Variants in FARS2 observed in about 807,000 individuals in gnomAD.
FARS2 encodes phenylalanyl-tRNA synthetase 2, mitochondrial, also known as phenylalanine--tRNA ligase, mitochondrial.
Under a neutral mutation model 46.4 loss-of-function variants are expected in FARS2, and 40 were observed. That is an observed-to-expected ratio of 0.86 (90% CI 0.67 to 1.12). The LOEUF is 1.12. FARS2 is among the 50% of genes most tolerant of loss of function. The pLI, the probability that FARS2 is intolerant of heterozygous loss-of-function variation, is 0.00. For missense variants in FARS2, 513 were observed against 567.9 expected, an observed-to-expected ratio of 0.90 and a Z score of 0.98; for synonymous variants, 234 against 214.9, an observed-to-expected ratio of 1.09 and a Z score of -0.78.
chr6:5,328,034 C>T (rs996064977), intron 1 of FARS2, among the ~76,000 whole-genome samples: 3 of 152,064 alleles, frequency 2.0e-5, no homozygotes, highest in Non-Finnish European at 4.4e-5. Context: ...GTAGGAAGAC[C>T]GGTTGTCAAA....
rs574635846 is a variant in FARS2 at position 5,295,434 on chromosome 6, C to T, written c.-22+33774C>T. ...TTTGAGTCAAAAGGGCTAAAATTGG[C>T]TTTGAAGCTGGTAATCTGATGCTAG... On this transcript the variant is annotated intron_variant, in intron 1 of 6. Transcript: ENST00000274680. Among the ~76,000 whole-genome samples the T allele has an allele frequency of 1.6e-4, 24 of 151,966 alleles. 1 individual carries two copies. The South Asian group carries it at 4.8e-3, about 30-fold the overall frequency.
intron 2 of FARS2, among the ~76,000 whole-genome samples, chr6:5,388,819 C>T (rs961195424): frequency 9.2e-5 from 14 of 151,940 alleles, no homozygotes; most frequent in Non-Finnish European, 1.5e-4. Context: ...TTTCTGTTGT[C>T]GGTGGGCAGT....
At chr6:5,728,263 CTG>C (rs1413274580) in intron 6 of FARS2, among the ~76,000 whole-genome samples, 2 of 152,122 alleles carry the variant, frequency 1.3e-5, no homozygotes, top group Non-Finnish European at 2.9e-5. Flanking sequence ...AGCCTAATAG[CTG>C]GGAATGGGCT....
At chr6:5,572,628 A>G (rs1772722587) in intron 5 of FARS2, among the ~76,000 whole-genome samples, 1 of 152,130 alleles carries the variant, frequency 6.6e-6, no homozygotes, top group African/African-American at 2.4e-5. Flanking sequence ...GCCCGTAACA[A>G]GTAGCCTCAT....
chr6:5,701,105 T>C (rs1758405865), intron 6 of FARS2, among the ~76,000 whole-genome samples: 1 of 152,238 alleles, frequency 6.6e-6, no homozygotes, highest in Non-Finnish European at 1.5e-5. Context: ...CTATGGGATT[T>C]GGTGGGCTGC....
intron 4 of FARS2, among the ~76,000 whole-genome samples, chr6:5,537,176 C>A (rs1355058840): frequency 6.6e-6 from 1 of 152,172 alleles, no homozygotes. Flanking sequence ...CCATTCTCAG[C>A]TCTTTCTCCA....
intron 1 of FARS2, among the ~76,000 whole-genome samples, chr6:5,290,414 A>T (rs777607480): frequency 3.3e-5 from 5 of 152,236 alleles, no homozygotes; most frequent in African/African-American, 4.8e-5. Flanking sequence ...GGCAGAAAAG[A>T]TCACAGCAAT....
rs1759273236 is a variant in FARS2, at chr6:5,712,936, C to T, written c.1218-58355C>T. ...TATCTAAAATGGAGTGTACAAAAAG[C>T]GTACCTGTAGAACTTTCACTGTCAC... On this transcript the variant is annotated intron_variant, in intron 6 of 6. Coordinates refer to ENST00000274680, the MANE Select transcript of FARS2 (RefSeq NM_006567.5). 2.0e-5 allele frequency among the ~76,000 whole-genome samples: 3 copies of T among 152,360 alleles called. No individual in the cohort carries two copies. In the South Asian group the frequency reaches 6.2e-4, roughly 32 times the overall value.
intron 6 of FARS2, among the ~76,000 whole-genome samples, chr6:5,632,633 CCCTT>C (rs1178235139): frequency 0.019 from 1,878 of 97,280 alleles, 62 homozygotes; most frequent in African/African-American, 0.073. Context: ...CTCCCTCCCT[CCCTT>C]CTTCCTTCCT....
intron 3 of FARS2, among the ~76,000 whole-genome samples, chr6:5,415,812 T>C (rs1340319879): frequency 1.3e-5 from 2 of 152,046 alleles, no homozygotes; most frequent in Non-Finnish European, 2.9e-5. Context: ...GGTCAAGCGA[T>C]GCGCCCACTT....
At chr6:5,405,883 A>T (rs188049950) in intron 3 of FARS2, among the ~76,000 whole-genome samples, 9 of 152,294 alleles carry the variant, frequency 5.9e-5, no homozygotes, top group Admixed American at 1.3e-4. Flanking sequence ...GAGTATATTA[A>T]CAGTATATTA....
chr6:5,496,650 C>T (rs1321964014), intron 4 of FARS2, among the ~76,000 whole-genome samples: 2 of 152,102 alleles, frequency 1.3e-5, no homozygotes, highest in African/African-American at 4.8e-5. Flanking sequence ...TGGTCTTTCC[C>T]TCTGTGTGTA....
intron 5 of FARS2, among the ~76,000 whole-genome samples, chr6:5,553,784 G>C (rs1381403552): frequency 3.3e-5 from 5 of 152,166 alleles, no homozygotes; most frequent in Admixed American, 1.3e-4. Flanking sequence ...GTGGGTCTGG[G>C]GGGGTGCCTG....
chr6:5,394,466 GTGTT>G (rs1230161921), intron 2 of FARS2, among the ~76,000 whole-genome samples: 1 of 152,106 alleles, frequency 6.6e-6, no homozygotes, highest in African/African-American at 2.4e-5. Flanking sequence ...ACACTCCATG[GTGTT>G]CGCACAATGA....
In FARS2 at chr6:5,368,736, A is replaced by C; in HGVS notation, c.166A>C (p.Lys56Gln). 1 of 1,614,136 alleles carries C rather than the reference A, an allele frequency of 6.2e-7. No homozygotes were observed. The highest frequency in any genetic ancestry group is 8.5e-7 in the Non-Finnish European group (1 of 1,180,006). ...APGSVVELLG[K>Q]SYPQDDHSNL... ...AGGCAGTGTGGTGGAGCTGCTGGGC[A>C]AATCCTACCCTCAGGACGACCACAG... Residue 56 changes from lysine (K) to glutamine (Q), a missense_variant, in exon 2 of 7, where the codon AAA (lysine) becomes CAA (glutamine). Lys to Gln is a moderately conservative substitution (Grantham distance 53, BLOSUM62 1). Transcript: ENST00000274680.
intron 6 of FARS2, among the ~76,000 whole-genome samples, chr6:5,739,518 G>A (rs1477762827): frequency 3.9e-5 from 6 of 152,160 alleles, no homozygotes; most frequent in African/African-American, 1.4e-4. Context: ...AAATGGCTTA[G>A]GAGAAGGAAT....
chr6:5,662,808 C>T (rs751902211), intron 6 of FARS2, among the ~76,000 whole-genome samples: 30 of 152,074 alleles, frequency 2.0e-4, no homozygotes, highest in Non-Finnish European at 3.7e-4. Context: ...ACTTGCTGGC[C>T]GTGTGTGACC....
At chr6:5,446,202 TA>T (rs1277761196) in intron 4 of FARS2, among the ~76,000 whole-genome samples, 452 of 135,878 alleles carry the variant, frequency 3.3e-3, no homozygotes, top group Middle Eastern at 7.4e-3. Flanking sequence ...GACTCCATCT[TA>T]AAAAAAAAAA....
chr6:5,313,814 G>A (rs979332806), intron 1 of FARS2, among the ~76,000 whole-genome samples: 2 of 151,808 alleles, frequency 1.3e-5, no homozygotes, highest in Non-Finnish European at 2.9e-5. Flanking sequence ...GCACAATGGA[G>A]TCACCTGGGA....
Sources: gnomAD v4.1 joint callset for allele counts (sites outside exome capture counted in the v4.1 genomes callset) on GRCh38, gnomAD v4.1.1 for gene constraint, MANE v1.5 for transcripts, NCBI Gene and HGNC (gene_info 2026-07-23, HGNC 2026-07-21) for gene names.